Variants in CASKIN1 observed in about 807,000 individuals in gnomAD.
The protein encoded by CASKIN1 is CASK interacting protein 1.
Under a neutral mutation model 117.5 loss-of-function variants are expected in CASKIN1, and 42 were observed. The ratio of observed to expected loss-of-function variants is 0.36; its 90% CI spans 0.28 to 0.46. CASKIN1 has a LOEUF of 0.46. Among genes scored for constraint, CASKIN1 ranks in the 20% least tolerant of loss-of-function variants. The pLI is 1.00. For synonymous variants in CASKIN1, 1,148 were observed against 961.7 expected, an observed-to-expected ratio of 1.19 and a Z score of -3.59; for missense variants, 2,083 against 2,077.3, an observed-to-expected ratio of 1.00 and a Z score of -0.05.
Position 2,196,277 on chromosome 16 carries a change from G to C in CASKIN1, c.94+62C>G, listed in dbSNP as rs931329280. The C allele has an allele frequency of 2.7e-6, 2 of 730,944 alleles. No homozygotes were observed. The highest frequency in any genetic ancestry group is 3.6e-6 in the Non-Finnish European group (2 of 561,662). The allele number at this position is 730,944 out of a possible 1,614,324, so 45.3% of individuals were successfully genotyped here. A position where few individuals can be genotyped will look rare whatever the true frequency, so the allele number is the denominator to read the frequency against. ...CCTCCCCGCCCGGCGCCGGGTGGGG[G>C]GCTCCGCGCCGGGGAGGGGCCCCCG... On this transcript the variant is annotated intron_variant, in intron 1 of 19. Coordinates refer to ENST00000343516, the MANE Select transcript of CASKIN1 (RefSeq NM_020764.4). The surrounding 1 kb of genome is among the most constrained non-coding windows in gnomAD (Gnocchi z 5.7).
chr16:2,178,722 C>A (rs1404451354), intron 19 of CASKIN1, 76 bp from the exon 20 acceptor site: 9 of 1,387,112 alleles, frequency 6.5e-6, no homozygotes, highest in Non-Finnish European at 7.6e-6. Flanking sequence ...GACACGCCCA[C>A]GTCCCGCATC....
intron 1 of CASKIN1, among the ~76,000 whole-genome samples, chr16:2,190,682 C>T (rs958244556): frequency 6.6e-5 from 10 of 152,192 alleles, no homozygotes; most frequent in African/African-American, 1.4e-4. Context: ...CACATGTGCA[C>T]GCACACCCCT....
At chr16:2,190,388 AGGCTG>A in intron 1 of CASKIN1, 30 bp from the exon 2 acceptor site, 2 of 1,554,046 alleles carry the variant, frequency 1.3e-6, no homozygotes, top group Non-Finnish European at 1.7e-6. Flanking sequence ...CAGTGAGGGG[AGGCTG>A]TGCCAGCCCC....
chr16:2,178,087 C>G lies in CASKIN1; in HGVS notation c.*463G>C, dbSNP rs1166917689. ...ACCTTTTTGTTTCTCTGGGGAAATC[C>G]GCCTCAGCTCATTCCCAATAAATTA... On this transcript the variant is annotated 3_prime_UTR_variant, in exon 20 of 20. Coordinates refer to ENST00000343516, the MANE Select transcript of CASKIN1 (RefSeq NM_020764.4). 2.0e-6 allele frequency: 1 copy of G among 493,834 alleles called. No individual in the cohort carries two copies. The highest frequency in any genetic ancestry group is 2.0e-5 in the African/African-American group (1 of 50,678). The allele number at this position is 493,834 out of a possible 1,614,324, so 30.6% of individuals were successfully genotyped here. A position where few individuals can be genotyped will look rare whatever the true frequency, so the allele number is the denominator to read the frequency against.
intron 4 of CASKIN1, 42 bp from the exon 5 acceptor site, chr16:2,189,375 C>T (rs767879830): frequency 1.4e-5 from 23 of 1,610,350 alleles, no homozygotes; most frequent in Non-Finnish European, 1.8e-5. Context: ...ATCCTCAGGC[C>T]GCGCTGCCCC....
rs990143977 is a variant in CASKIN1 at position 2,178,227 on chromosome 16, C to T, written c.*323G>A. ...TGGCCGGGCGTCCCGATGGGCAGTT[C>T]TGTGCTGGGCCCGGGCCTGTGCGCT... On this transcript the variant is annotated 3_prime_UTR_variant, in exon 20 of 20. Coordinates refer to ENST00000343516, the MANE Select transcript of CASKIN1 (RefSeq NM_020764.4). 1.6e-5 allele frequency: 7 copies of T among 435,392 alleles called. No homozygotes were observed. Among genetic ancestry groups the T allele is most frequent in the Non-Finnish European group, 4.3e-6 (1 of 234,196 alleles). 27.0% of individuals were successfully genotyped at this position (435,392 alleles called of 1,614,324 possible).
Position 2,181,791 on chromosome 16 carries a change from C to A in CASKIN1, c.1768G>T (p.Gly590Trp). The change falls in exon 17 of 20, where the codon GGG (glycine) becomes TGG (tryptophan). Residue 590 changes from glycine (G) to tryptophan (W), a missense_variant and splice_region_variant. By Grantham distance (184) the Gly-to-Trp change is radical (BLOSUM62 -2). Coordinates refer to ENST00000343516, the MANE Select transcript of CASKIN1 (RefSeq NM_020764.4). ...ACGAGGGCTGGGGCTGGGGCCTCAC[C>A]CAGCTTGGTGATGCCGATCTCCTGC... ...DLQEIGITKL[G>W]HQKKLMLAVR... is the part of the protein sequence containing the mutation. 6.2e-7 allele frequency: 1 copy of A among 1,612,880 alleles called. No individual in the cohort carries two copies. Among genetic ancestry groups the A allele is most frequent in the Non-Finnish European group, 8.5e-7 (1 of 1,179,778 alleles).
rs943136848 is a variant in CASKIN1 at position 2,182,539 on chromosome 16, AC to A, written c.1630-611del. Among the ~76,000 whole-genome samples the A allele has an allele frequency of 2.6e-5, 4 of 151,696 alleles. No homozygotes were observed. Among genetic ancestry groups the A allele is most frequent in the African/African-American group, 9.7e-5 (4 of 41,238 alleles). ...TGCAACTGCTCTTGAACACTCAGCC[AC>A]CCCCAGGTGCGCGGCAAGGCCCGTG... is the stretch of plus-strand genomic sequence containing the variant. On this transcript the variant is annotated intron_variant, in intron 16 of 19. Coordinates refer to ENST00000343516, the MANE Select transcript of CASKIN1 (RefSeq NM_020764.4). This position sits in a 1 kb window ranked among gnomAD's most constrained non-coding sequence, Gnocchi z 4.1.
In CASKIN1 at chr16:2,179,520, A is replaced by G; in HGVS notation, c.3775+73T>C. ...CTTCCATCAAACCCAAGAAAAGGAA[A>G]ACCCCTCAGACCACCGAGTAAGGAG... On this transcript the variant is annotated intron_variant, in intron 18 of 19. Transcript: ENST00000343516. The surrounding 1 kb of genome is among the most constrained non-coding windows in gnomAD (Gnocchi z 5.8). 7.2e-7 allele frequency: 1 copy of G among 1,397,430 alleles called. No individual in the cohort carries two copies. Among genetic ancestry groups the G allele is most frequent in the Non-Finnish European group, 9.3e-7 (1 of 1,076,904 alleles). 86.6% of individuals were successfully genotyped at this position (1,397,430 alleles called of 1,614,324 possible).
rs369034324 is a variant in CASKIN1 at position 2,183,552 on chromosome 16, G to A, written c.1629+94C>T. On this transcript the variant is annotated intron_variant, in intron 16 of 19. Transcript: ENST00000343516. Reference sequence around the variant, plus strand: ...CTCTCCTCTCCCTCAAGCCCCTGAGGGCGGGTGGGAGTTGTGGCCAGGGAG... The same window carrying A: ...CTCTCCTCTCCCTCAAGCCCCTGAGAGCGGGTGGGAGTTGTGGCCAGGGAG... The A allele has an allele frequency of 4.2e-4, 519 of 1,230,996 alleles. 5 individuals carry two copies. The African/African-American group carries it at 7.1e-3, about 17-fold the overall frequency. The allele number at this position is 1,230,996 out of a possible 1,614,324, so 76.3% of individuals were successfully genotyped here.
chr16:2,192,364 CT>C (rs1485965459), intron 1 of CASKIN1, among the ~76,000 whole-genome samples: 1 of 151,932 alleles, frequency 6.6e-6, no homozygotes, highest in African/African-American at 2.4e-5. Context: ...TGAAGACCCC[CT>C]GGCAGCACTG....
chr16:2,180,631 G>A lies in CASKIN1; in HGVS notation c.2737C>T (p.Arg913Cys), dbSNP rs980853763. 6 of 1,551,370 alleles carry A rather than the reference G, an allele frequency of 3.9e-6. No homozygotes were observed. The highest frequency in any genetic ancestry group is 2.3e-5 in the South Asian group (2 of 85,612). Reference protein sequence around the residue: ...AAGPYATVQRRVGRSHSVRAP... With the variant: ...AAGPYATVQRCVGRSHSVRAP... ...CTCACTGAGTGGCTGCGGCCCACGC[G>A]CCGCTGGACCGTGGCATAGGGGCCG... Residue 913 changes from arginine to cysteine, a missense_variant, in exon 18 of 20, where the codon CGC becomes TGC. Around this residue, in one of 3 missense-constraint regions of CASKIN1, gnomAD observed 1,818 missense variants for 1,688.9 expected, o/e 1.08. Transcript: ENST00000343516.
chr16:2,179,996 G>A lies in CASKIN1; in HGVS notation c.3372C>T (p.Leu1124=), dbSNP rs1206152294. Residue 1124 remains leucine, a synonymous_variant, in exon 18 of 20, where the codon CTC becomes CTT. Coordinates refer to ENST00000343516, the MANE Select transcript of CASKIN1 (RefSeq NM_020764.4). This position sits in a 1 kb window ranked among gnomAD's most constrained non-coding sequence, Gnocchi z 5.8. ...PLAKVEASAT[L]KRRIRAKQNQ... ...TCTGCTTGGCCCGGATGCGCCTCTT[G>A]AGTGTGGCGCTGGCTTCCACCTTGG... is the stretch of plus-strand genomic sequence containing the variant. 1 of 1,604,074 alleles carries A rather than the reference G, an allele frequency of 6.2e-7. No homozygotes were observed.
In CASKIN1 at chr16:2,179,722, C is replaced by T. The variant is rs2093160112; in HGVS notation, c.3646G>A (p.Gly1216Ser). ...GGCTTGGCCGGCTTCCGGGCTTCGC[C>T]CTCGGGCGGGGGCAATGGGGGTAGG... is the stretch of plus-strand genomic sequence containing the variant. ...AHLPPLPPPE[G>S]EARKPAKPPV... The change falls in exon 18 of 20, where the codon GGC (glycine) becomes AGC (serine). Residue 1216 changes from glycine (G) to serine (S), a missense_variant. Around this residue, in one of 3 missense-constraint regions of CASKIN1, gnomAD observed 1,818 missense variants for 1,688.9 expected, o/e 1.08. Transcript: ENST00000343516. This position sits in a 1 kb window ranked among gnomAD's most constrained non-coding sequence, Gnocchi z 5.8. 1.8e-5 allele frequency: 27 copies of T among 1,537,702 alleles called. No individual in the cohort carries two copies. Among genetic ancestry groups the T allele is most frequent in the Non-Finnish European group, 2.3e-5 (26 of 1,149,716 alleles).
At chr16:2,192,223 C>A (rs1196051497) in intron 1 of CASKIN1, among the ~76,000 whole-genome samples, 1 of 151,852 alleles carries the variant, frequency 6.6e-6, no homozygotes, top group African/African-American at 2.4e-5. Context: ...CGCTTGAGCC[C>A]AGGAGGTTGA....
Position 2,182,068 on chromosome 16 carries a change from G to A in CASKIN1, c.1630-139C>T. On this transcript the variant is annotated intron_variant, in intron 16 of 19. Coordinates refer to ENST00000343516, the MANE Select transcript of CASKIN1 (RefSeq NM_020764.4). This position sits in a 1 kb window ranked among gnomAD's most constrained non-coding sequence, Gnocchi z 4.1. ...GGACAAACGGATAGGCCGAGGTATT[G>A]GCACCAGAAATGTAGGCAGAGCCTC... is the stretch of plus-strand genomic sequence containing the variant. 1 of 1,219,258 alleles carries A rather than the reference G, an allele frequency of 8.2e-7. No individual in the cohort carries two copies. Among genetic ancestry groups the A allele is most frequent in the Non-Finnish European group, 1.2e-6 (1 of 868,578 alleles). The allele number at this position is 1,219,258 out of a possible 1,614,324, so 75.5% of individuals were successfully genotyped here. A position where few individuals can be genotyped will look rare whatever the true frequency, so the allele number is the denominator to read the frequency against.
At chr16:2,191,491 A>G (rs2093201537) in intron 1 of CASKIN1, among the ~76,000 whole-genome samples, 1 of 152,302 alleles carries the variant, frequency 6.6e-6, no homozygotes, top group South Asian at 2.1e-4. Context: ...CGGGGGTGCT[A>G]ACAGGGCCTC....
rs1567259057 is a variant in CASKIN1 at position 2,181,421 on chromosome 16, C to A, written c.1947G>T (p.Met649Ile). The change falls in exon 18 of 20, where the codon ATG becomes ATT. Residue 649 changes from methionine (M) to isoleucine (I), a missense_variant. Met to Ile is a conservative substitution (Grantham distance 10, BLOSUM62 1). Coordinates refer to ENST00000343516, the MANE Select transcript of CASKIN1 (RefSeq NM_020764.4). ...PTPADCQSPK[M>I]TTFQDSELSD... ...TGAGCTCGCTGTCCTGGAAGGTGGT[C>A]ATTTTAGGGGACTGGCAGTCGGCCG... is the stretch of plus-strand genomic sequence containing the variant. The A allele has an allele frequency of 1.2e-6, 2 of 1,612,288 alleles. No individual in the cohort carries two copies. Among genetic ancestry groups the A allele is most frequent in the Non-Finnish European group, 1.7e-6 (2 of 1,179,776 alleles).
Position 2,183,867 on chromosome 16 carries a change from G to A in CASKIN1, c.1491C>T (p.Gly497=). 1.9e-6 allele frequency: 3 copies of A among 1,612,736 alleles called. No individual in the cohort carries two copies. Among genetic ancestry groups the A allele is most frequent in the Non-Finnish European group, 2.5e-6 (3 of 1,179,792 alleles). The stretch of plus-strand genomic sequence containing the variant: ...TGCGGCTGATGGTGGGCAGGTCGTA[G>A]CCGGCGCTGATGAAGTTGGGGGCGT... The part of the protein sequence containing the change: ...QLYAPNFISA[G]YDLPTISRMT... Residue 497 remains glycine, a synonymous_variant, in exon 15 of 20, where the codon GGC becomes GGT. Transcript: ENST00000343516.
Sources: gnomAD v4.1 joint callset for allele counts (sites outside exome capture counted in the v4.1 genomes callset) on GRCh38, gnomAD v4.1.1 for gene constraint, gnomAD v4.1.1 regional missense constraint, Gnocchi (gnomAD v3.1) non-coding constraint, MANE v1.5 for transcripts, NCBI Gene and HGNC (gene_info 2026-07-23, HGNC 2026-07-21) for gene names.